NFE2L1: variants seen among roughly 807,000 people sequenced by gnomAD.
NFE2L1 encodes endoplasmic reticulum membrane sensor NFE2L1.
NFE2L1 carries 18 observed loss-of-function variants against 61.6 expected under a neutral mutation model. The observed-to-expected ratio is 0.29, with a 90% confidence interval of 0.20 to 0.43. The LOEUF (loss-of-function observed/expected upper bound fraction) is 0.43. Ranked by LOEUF, NFE2L1 falls within the 20% of genes least tolerant of loss-of-function variation. NFE2L1 has a pLI of 1.00. For synonymous variants in NFE2L1, 419 were observed against 402.7 expected, an observed-to-expected ratio of 1.04 and a Z score of -0.48; for missense variants, 827 against 973.5, an observed-to-expected ratio of 0.85 and a Z score of 2.00.
In NFE2L1 at chr17:48,058,949, G is replaced by T; in HGVS notation, c.1627G>T (p.Gly543Cys). The T allele has an allele frequency of 6.2e-7, 1 of 1,613,954 alleles. No homozygotes were observed. The highest frequency in any genetic ancestry group is 2.2e-5 in the East Asian group (1 of 44,880). The part of the protein sequence containing the change: ...LDLEEAEGAV[G>C]YQPEYSKFCR... Reference sequence around the variant, plus strand: ...TCTGGAAGAGGCCGAGGGTGCTGTGGGCTACCAGCCTGAGTATTCCAAGTT... The same window carrying T: ...TCTGGAAGAGGCCGAGGGTGCTGTGTGCTACCAGCCTGAGTATTCCAAGTT... Residue 543 changes from glycine to cysteine, a missense_variant, in exon 6 of 6, where the codon GGC becomes TGC. Coordinates refer to ENST00000362042, the MANE Select transcript of NFE2L1 (RefSeq NM_003204.3).
At chr17:48,057,301 G>T (rs377390245) in intron 4 of NFE2L1, 43 bp from the exon 5 acceptor site, 1 of 1,604,944 alleles carries the variant, frequency 6.2e-7, no homozygotes, top group Non-Finnish European at 8.5e-7. Context: ...AAAGCACAAG[G>T]TTTTTCCTTC....
chr17:48,049,857 C>A (rs114486617), intron 1 of NFE2L1, among the ~76,000 whole-genome samples: 2 of 152,194 alleles, frequency 1.3e-5, no homozygotes, highest in Non-Finnish European at 2.9e-5. Context: ...GAAAAGACAA[C>A]TGTTATGGGT....
At chr17:48,057,850 C>T (rs371399041) in intron 5 of NFE2L1, among the ~76,000 whole-genome samples, 12 of 152,270 alleles carry the variant, frequency 7.9e-5, no homozygotes, top group South Asian at 2.1e-4. Flanking sequence ...AGCCATCGTT[C>T]GCTCACTTGG....
At position 48,058,841 on chromosome 17, in the gene NFE2L1, TCTTCCTCTG is replaced by T. The variant is rs1480448545; in HGVS notation, c.1524_1532del (p.Ala510_Ser512del). On this transcript the variant is annotated inframe_deletion, in exon 6 of 6. Coordinates refer to ENST00000362042, the MANE Select transcript of NFE2L1 (RefSeq NM_003204.3). ...CTCTTCTTCCTCCTCCTCTTCCTCT[TCTTCCTCTG>T]CTTCTTCCTCTGCCTCTTCCTCCTT... 5.6e-6 allele frequency: 9 copies of T among 1,613,670 alleles called. No homozygotes were observed. The East Asian group carries it at 1.1e-4, about 20-fold the overall frequency.
At chr17:48,057,677 A>G (rs2037438644) in intron 5 of NFE2L1, among the ~76,000 whole-genome samples, 175 bp downstream of exon 5, 1 of 152,214 alleles carries the variant, frequency 6.6e-6, no homozygotes, top group Non-Finnish European at 1.5e-5. Flanking sequence ...TGGGAGCTGG[A>G]GACAGGTAGG....
chr17:48,050,478 C>CA (rs200432684), intron 1 of NFE2L1, 129 bp from the exon 2 acceptor site: 40,296 of 309,004 alleles, frequency 0.13, 4 homozygotes, highest in East Asian at 0.18. Context: ...GACTCTGTCT[C>CA]AAAAAAAAAA....
At chr17:48,057,202 G>C in intron 4 of NFE2L1, 81 bp downstream of exon 4, 1 of 1,589,112 alleles carries the variant, frequency 6.3e-7, no homozygotes, top group South Asian at 1.1e-5. Context: ...TGAGGGGCCA[G>C]CTGTTGGTTC....
rs754590918 is a variant in NFE2L1, at chr17:48,051,079, T to G, written c.-40T>G. On this transcript the variant is annotated 5_prime_UTR_variant, in exon 2 of 6. It adds an upstream start codon to the 5' untranslated region. Transcript: ENST00000362042. ...GGCCTTGATTTGTCTTTTGGAAGAT[T>G]TTAAAAACCAAAAAGCATAAACATT... The G allele has an allele frequency of 1.9e-6, 3 of 1,613,354 alleles. No individual in the cohort carries two copies. In the East Asian group the frequency reaches 6.7e-5, roughly 36 times the overall value.
intron 2 of NFE2L1, chr17:48,056,153 C>T: frequency 3.4e-6 from 2 of 596,526 alleles, no homozygotes; most frequent in Admixed American, 2.9e-5. Flanking sequence ...GTGATAGTCA[C>T]ACTAATGGTT....
chr17:48,053,687 G>C (rs1054738328), intron 2 of NFE2L1, among the ~76,000 whole-genome samples: 1 of 152,206 alleles, frequency 6.6e-6, no homozygotes, highest in Non-Finnish European at 1.5e-5. Context: ...GGCTCCAGGG[G>C]AGCAGCAGTG....
chr17:48,053,153 T>C (rs763261448), intron 2 of NFE2L1, among the ~76,000 whole-genome samples: 1 of 152,124 alleles, frequency 6.6e-6, no homozygotes, highest in Non-Finnish European at 1.5e-5. Flanking sequence ...CTGGGTTTGC[T>C]CCTGGAAACC....
At position 48,051,520 on chromosome 17, in the gene NFE2L1, A is replaced by G. The variant is rs1401586579; in HGVS notation, c.402A>G (p.Thr134=). The G allele has an allele frequency of 3.1e-6, 5 of 1,614,074 alleles. No homozygotes were observed. The highest frequency in any genetic ancestry group is 3.3e-5 in the Admixed American group (2 of 59,998). The change falls in exon 2 of 6, where the codon ACA becomes ACG. Residue 134 remains threonine, a synonymous_variant. Coordinates refer to ENST00000362042, the MANE Select transcript of NFE2L1 (RefSeq NM_003204.3). ...LESSSGLQDV[T]GPDNGVRESE... ...GTTCCAGTGGCCTCCAAGATGTGAC[A>G]GGCCCAGACAACGGGGTGCGAGAAA... is the stretch of plus-strand genomic sequence containing the variant.
At chr17:48,057,159 G>C in intron 4 of NFE2L1, 38 bp downstream of exon 4, 2 of 1,608,448 alleles carry the variant, frequency 1.2e-6, no homozygotes, top group Non-Finnish European at 1.7e-6. Flanking sequence ...CAAGTGAGCA[G>C]GGCAGCCTGT....
intron 2 of NFE2L1, among the ~76,000 whole-genome samples, chr17:48,052,568 G>T (rs2037281339): frequency 6.6e-6 from 1 of 152,168 alleles, no homozygotes; most frequent in Non-Finnish European, 1.5e-5. Context: ...TTCTCTGCCT[G>T]CCAGGTCAGA....
intron 2 of NFE2L1, 68 bp downstream of exon 2, chr17:48,051,696 G>A: frequency 6.5e-7 from 1 of 1,539,766 alleles, no homozygotes; most frequent in Non-Finnish European, 8.8e-7. Flanking sequence ...AAGGATTGTG[G>A]TCAGAACACT....
chr17:48,050,888 C>T lies in NFE2L1; in HGVS notation c.-231C>T, dbSNP rs1159032618. 9.9e-6 allele frequency: 6 copies of T among 608,648 alleles called. No homozygotes were observed. The highest frequency in any genetic ancestry group is 3.7e-5 in the African/African-American group (2 of 53,906). 37.7% of individuals were successfully genotyped at this position (608,648 alleles called of 1,614,324 possible). ...AGTTGTACTTTCAGAGGTGAGGTGT[C>T]GAGAAGGGAAAGTGAATGTGGTCTG... is the stretch of plus-strand genomic sequence containing the variant. On this transcript the variant is annotated 5_prime_UTR_variant, in exon 2 of 6. Coordinates refer to ENST00000362042, the MANE Select transcript of NFE2L1 (RefSeq NM_003204.3).
At position 48,057,398 on chromosome 17, in the gene NFE2L1, C is replaced by T. The variant is rs1258702646; in HGVS notation, c.868C>T (p.Pro290Ser). 1 of 1,614,182 alleles carries T rather than the reference C, an allele frequency of 6.2e-7. No homozygotes were observed. Among genetic ancestry groups the T allele is most frequent in the South Asian group, 1.1e-5 (1 of 91,084 alleles). ...AGCAGTGCCTAGTGAGAGTGAGCCC[C>T]CTGCTCTTCAAAACAACCTCTTGTC... ...TEAVPSESEP[P>S]ALQNNLLSPL... The change falls in exon 5 of 6, where the codon CCT (proline) becomes TCT (serine). Residue 290 changes from proline to serine, a missense_variant. Physicochemically the swap from Pro to Ser is moderately conservative, Grantham distance 74. Transcript: ENST00000362042.
intron 2 of NFE2L1, among the ~76,000 whole-genome samples, chr17:48,055,462 G>A (rs2037376992): frequency 6.6e-6 from 1 of 152,212 alleles, no homozygotes; most frequent in Non-Finnish European, 1.5e-5. Flanking sequence ...GAGCCACCAG[G>A]GTAGAGCGGG....
chr17:48,055,201 C>A, intron 2 of NFE2L1: 2 of 1,287,860 alleles, frequency 1.6e-6, no homozygotes, highest in South Asian at 4.6e-5. Flanking sequence ...GTCTTAGGGT[C>A]AGGGGGGGTT....
Sources: gnomAD v4.1 joint callset for allele counts (sites outside exome capture counted in the v4.1 genomes callset) on GRCh38, gnomAD v4.1.1 for gene constraint, MANE v1.5 for transcripts, NCBI Gene and HGNC (gene_info 2026-07-23, HGNC 2026-07-21) for gene names.